Variants in CREBBP observed in about 807,000 individuals in gnomAD.
CREBBP encodes the protein CREB binding lysine acetyltransferase.
A neutral mutation model predicts 265.0 loss-of-function variants in CREBBP; 19 were observed. The observed-to-expected ratio is 0.07, with a 90% CI of 0.05 to 0.11. The LOEUF (loss-of-function observed/expected upper bound fraction) is 0.11, where lower values mean the gene tolerates loss of function less well. Ranked by LOEUF, CREBBP falls within the 10% of genes least tolerant of loss-of-function variation. The probability of loss-of-function intolerance (pLI) is 1.00; values close to 1 mark genes in which losing one functional copy is unlikely to be tolerated. For missense variants in CREBBP, 2,525 were observed against 3,219.0 expected, an observed-to-expected ratio of 0.78 and a Z score of 5.22; for synonymous variants, 1,457 against 1,223.7, an observed-to-expected ratio of 1.19 and a Z score of -3.98.
chr16:3,828,204 T>C (rs1306602624), intron 2 of CREBBP, among the ~76,000 whole-genome samples: 1 of 152,068 alleles, frequency 6.6e-6, no homozygotes, highest in Non-Finnish European at 1.5e-5. Flanking sequence ...GCTACTCTCC[T>C]GCCTCAGCCT....
At chr16:3,747,883 A>T (rs1445689375) in intron 21 of CREBBP, among the ~76,000 whole-genome samples, 1 of 151,962 alleles carries the variant, frequency 6.6e-6, no homozygotes, top group Admixed American at 6.6e-5. Context: ...AGGTCAGGAG[A>T]TCGAGACCAT....
At chr16:3,797,718 T>C (rs899696406) in intron 3 of CREBBP, among the ~76,000 whole-genome samples, 1 of 151,754 alleles carries the variant, frequency 6.6e-6, no homozygotes, top group African/African-American at 2.4e-5. Flanking sequence ...CTCCTAAAGG[T>C]GGTGCTTTAC....
At chr16:3,831,889 T>G (rs1357117943) in intron 2 of CREBBP, among the ~76,000 whole-genome samples, 1 of 151,878 alleles carries the variant, frequency 6.6e-6, no homozygotes, top group East Asian at 1.9e-4. Context: ...CACAGCTACT[T>G]GGGAGGCTGA....
chr16:3,799,505 T>C (rs1227522751), intron 3 of CREBBP, among the ~76,000 whole-genome samples: 1 of 152,218 alleles, frequency 6.6e-6, no homozygotes, highest in Non-Finnish European at 1.5e-5. Context: ...GAAAGCAACA[T>C]GTATCAAAAA....
At chr16:3,837,941 T>A (rs2054488750) in intron 2 of CREBBP, among the ~76,000 whole-genome samples, 1 of 152,164 alleles carries the variant, frequency 6.6e-6, no homozygotes, top group African/African-American at 2.4e-5. Context: ...CCACAGCAAC[T>A]TCCAGTCCTG....
intron 2 of CREBBP, among the ~76,000 whole-genome samples, chr16:3,842,170 C>T (rs894187489): frequency 3.3e-5 from 5 of 152,308 alleles, no homozygotes; most frequent in African/African-American, 7.2e-5. Context: ...ATTTTGGTCA[C>T]GTTTCAGATT....
intron 16 of CREBBP, among the ~76,000 whole-genome samples, chr16:3,762,154 CTGAGG>C (rs1020504831): frequency 1.3e-5 from 2 of 152,106 alleles, no homozygotes; most frequent in African/African-American, 4.8e-5. Flanking sequence ...AGTGGCAGCA[CTGAGG>C]AGTGGTAACA....
In CREBBP at chr16:3,851,051, T is replaced by G. The variant is rs751107189; in HGVS notation, c.86-42A>C. On this transcript the variant is annotated intron_variant, in intron 1 of 30. Transcript: ENST00000262367. The stretch of plus-strand genomic sequence containing the variant: ...AATGGAAATGAGAAACTAAGCAACC[T>G]TTACAGCTCTCCAACTGCCACGTTT... The G allele has an allele frequency of 4.5e-6, 7 of 1,542,988 alleles. No individual in the cohort carries two copies. In the South Asian group the frequency reaches 7.8e-5, roughly 17 times the overall value.
intron 1 of CREBBP, among the ~76,000 whole-genome samples, chr16:3,863,104 G>A (rs762310149): frequency 6.6e-6 from 1 of 152,162 alleles, no homozygotes; most frequent in Non-Finnish European, 1.5e-5. Context: ...AATCAGAAGG[G>A]AAATACTGAT....
rs1341532920 is a variant in CREBBP at position 3,880,053 on chromosome 16, G to A, written c.-137C>T. 4 of 565,214 alleles carry A rather than the reference G, an allele frequency of 7.1e-6. No homozygotes were observed. Among genetic ancestry groups the A allele is most frequent in the African/African-American group, 2.0e-5 (1 of 49,570 alleles). 35.0% of individuals were successfully genotyped at this position (565,214 alleles called of 1,614,324 possible). ...GAGCGGGCGGGCGGGCGCCGAGGGA[G>A]AGGGAGGGCGCAGGCCGGGTGGGGG... On this transcript the variant is annotated 5_prime_UTR_variant, in exon 1 of 31. Coordinates refer to ENST00000262367, the MANE Select transcript of CREBBP (RefSeq NM_004380.3).
chr16:3,794,170 C>A (rs1393785367), intron 3 of CREBBP, among the ~76,000 whole-genome samples: 1 of 151,540 alleles, frequency 6.6e-6, no homozygotes, highest in South Asian at 2.1e-4. Flanking sequence ...TACTAAAAAA[C>A]AGAAAAAATT....
intron 1 of CREBBP, among the ~76,000 whole-genome samples, chr16:3,853,794 G>C (rs920091311): frequency 1.3e-5 from 2 of 148,490 alleles, no homozygotes; most frequent in Non-Finnish European, 3.0e-5. Context: ...AAAATGAGCT[G>C]GGCGTGGTGG....
Position 3,745,789 on chromosome 16 carries a change from T to C in CREBBP, c.3837-435A>G, listed in dbSNP as rs573928876. On this transcript the variant is annotated intron_variant, in intron 21 of 30. Transcript: ENST00000262367. ...TAAACATGTGCTCTTAAGTCTAAAA[T>C]TGTTGAGGATACTAATGGGAAACAC... 27 of 295,800 alleles carry C rather than the reference T, an allele frequency of 9.1e-5. No homozygotes were observed. The Admixed American group carries it at 1.1e-3, about 12-fold the overall frequency. 18.3% of individuals were successfully genotyped at this position (295,800 alleles called of 1,614,324 possible).
intron 3 of CREBBP, among the ~76,000 whole-genome samples, chr16:3,794,795 T>C (rs1049042479): frequency 6.6e-6 from 1 of 152,198 alleles, no homozygotes; most frequent in African/African-American, 2.4e-5. Context: ...GAAAAAGACT[T>C]AGGCAGTAAG....
Position 3,731,525 on chromosome 16 carries a change from T to C in CREBBP, c.4891-52A>G, listed in dbSNP as rs1275683925. The C allele has an allele frequency of 3.2e-6, 5 of 1,553,092 alleles. No homozygotes were observed. The Admixed American group carries it at 5.8e-5, about 18-fold the overall frequency. On this transcript the variant is annotated intron_variant, in intron 29 of 30. Transcript: ENST00000262367. The surrounding 1 kb of genome is among the most constrained non-coding windows in gnomAD (Gnocchi z 7.7). ...CACACAAGGGACATGGCACCTCCAG[T>C]GGTGAGCTCAGGGCAGGCGCAGCCA...
intron 21 of CREBBP, among the ~76,000 whole-genome samples, chr16:3,749,272 C>T (rs1356059437): frequency 3.9e-5 from 6 of 152,184 alleles, no homozygotes; most frequent in Admixed American, 6.5e-5. Flanking sequence ...TCCCTTTAAA[C>T]GATACTACTA....
chr16:3,731,109 A>C lies in CREBBP; in HGVS notation c.5172+83T>G. ...GCAGCCACCATCAGGTACAGACACC[A>C]ACCCGGGCACCCATGCAAAGGGACA... On this transcript the variant is annotated intron_variant, in intron 30 of 30. Coordinates refer to ENST00000262367, the MANE Select transcript of CREBBP (RefSeq NM_004380.3). The surrounding 1 kb of genome is among the most constrained non-coding windows in gnomAD (Gnocchi z 7.7). 1 of 1,461,068 alleles carries C rather than the reference A, an allele frequency of 6.8e-7. No homozygotes were observed. The highest frequency in any genetic ancestry group is 1.2e-5 in the South Asian group (1 of 81,928). The allele number at this position is 1,461,068 out of a possible 1,614,324, so 90.5% of individuals were successfully genotyped here.
intron 2 of CREBBP, among the ~76,000 whole-genome samples, chr16:3,845,746 T>C (rs1250885512): frequency 6.6e-6 from 1 of 151,682 alleles, no homozygotes; most frequent in Non-Finnish European, 1.5e-5. Context: ...AATTAGTCAG[T>C]TGTGGTGATG....
At position 3,739,731 on chromosome 16, in the gene CREBBP, C is replaced by T. The variant is rs765871766; in HGVS notation, c.4134-7G>A. The T allele has an allele frequency of 3.7e-6, 6 of 1,614,226 alleles. No homozygotes were observed. The highest frequency in any genetic ancestry group is 4.2e-6 in the Non-Finnish European group (5 of 1,180,034). ...TTCCCCAGAATCCACAAACCTGAAACAAAAGCCAGAGCCGGACATTTACAA... is the reference window on the plus strand; with the variant it reads ...TTCCCCAGAATCCACAAACCTGAAATAAAAGCCAGAGCCGGACATTTACAA... On this transcript the variant is annotated splice_region_variant and splice_polypyrimidine_tract_variant and intron_variant, in intron 24 of 30. Transcript: ENST00000262367.
Sources: allele counts gnomAD v4.1 joint callset (sites outside exome capture counted in the v4.1 genomes callset), GRCh38; gene constraint gnomAD v4.1.1; non-coding constraint Gnocchi (gnomAD v3.1); transcripts MANE v1.5; gene names NCBI Gene and HGNC (gene_info 2026-07-23, HGNC 2026-07-21).